The following CADPS2 variants were observed in gnomAD, a reference collection of about 807,000 sequenced individuals.
CADPS2 encodes calcium-dependent secretion activator 2.
In CADPS2, 93 loss-of-function variants were observed where a neutral mutation model predicts 172.5. The ratio of observed to expected loss-of-function variants is 0.54; its 90% confidence interval spans 0.46 to 0.64. The LOEUF (loss-of-function observed/expected upper bound fraction) is 0.64. CADPS2 is among the 30% of genes least tolerant of loss of function. CADPS2 has a pLI of 0.00. For missense variants in CADPS2, 1,420 were observed against 1,565.9 expected (o/e 0.91, Z 1.57); for synonymous variants, 546 against 555.2 (o/e 0.98, Z 0.23).
At chr7:122,871,593 C>T (rs142258532) in intron 1 of CADPS2, among the ~76,000 whole-genome samples, 15 of 152,094 alleles carry the variant, frequency 9.9e-5, no homozygotes, top group African/African-American at 3.4e-4. Context: ...ATTCAGCATA[C>T]AAAATACGGT....
At chr7:122,360,725 T>A in intron 27 of CADPS2, 63 bp downstream of exon 27, 1 of 1,444,724 alleles carries the variant, frequency 6.9e-7, no homozygotes. Context: ...AAACCCATGA[T>A]GAACTGCAAT....
intron 1 of CADPS2, among the ~76,000 whole-genome samples, chr7:122,743,812 C>G (rs535274411): frequency 6.6e-6 from 1 of 152,244 alleles, no homozygotes; most frequent in South Asian, 2.1e-4. Context: ...ACAGCTACAT[C>G]AAACCACTGA....
At chr7:122,816,414 T>C (rs1801426262) in intron 1 of CADPS2, among the ~76,000 whole-genome samples, 1 of 152,224 alleles carries the variant, frequency 6.6e-6, no homozygotes, top group Admixed American at 6.5e-5. Flanking sequence ...TGGGTACATG[T>C]GCACATTTTC....
At chr7:122,607,231 C>G (rs892095664) in intron 6 of CADPS2, among the ~76,000 whole-genome samples, 1 of 152,102 alleles carries the variant, frequency 6.6e-6, no homozygotes, top group Non-Finnish European at 1.5e-5. Context: ...ATGTGTAAGT[C>G]TTGGTTTAAA....
At chr7:122,592,431 A>G (rs536168432) in intron 6 of CADPS2, among the ~76,000 whole-genome samples, 50 of 152,026 alleles carry the variant, frequency 3.3e-4, no homozygotes, top group African/African-American at 8.7e-4. Flanking sequence ...ACAGTGTGGC[A>G]ATTCCTCAGG....
intron 6 of CADPS2, among the ~76,000 whole-genome samples, chr7:122,586,394 T>C (rs1346610530): frequency 1.3e-5 from 2 of 151,974 alleles, no homozygotes; most frequent in Non-Finnish European, 2.9e-5. Context: ...TAGATATAAC[T>C]TGTGCCCACT....
intron 11 of CADPS2, among the ~76,000 whole-genome samples, chr7:122,485,029 T>C (rs2057665867): frequency 6.6e-6 from 1 of 152,178 alleles, no homozygotes; most frequent in African/African-American, 2.4e-5. Flanking sequence ...TGTTTTGGGG[T>C]GCCACAAACT....
At chr7:122,774,161 CTA>C (rs1310111533) in intron 1 of CADPS2, among the ~76,000 whole-genome samples, 6 of 151,768 alleles carry the variant, frequency 4.0e-5, no homozygotes, top group African/African-American at 1.5e-4. Flanking sequence ...ATATTAATCT[CTA>C]AAAGTCTAAA....
At chr7:122,502,082 C>T (rs2059252424) in intron 9 of CADPS2, among the ~76,000 whole-genome samples, 1 of 151,988 alleles carries the variant, frequency 6.6e-6, no homozygotes, top group African/African-American at 2.4e-5. Context: ...GCACTGAGTC[C>T]ATGATCAAAA....
intron 3 of CADPS2, among the ~76,000 whole-genome samples, chr7:122,646,296 T>C (rs769851668): frequency 6.6e-6 from 1 of 152,106 alleles, no homozygotes; most frequent in Non-Finnish European, 1.5e-5. Flanking sequence ...AGTACAAGCA[T>C]TAATATTTAT....
intron 3 of CADPS2, among the ~76,000 whole-genome samples, chr7:122,647,656 G>T (rs991831455): frequency 6.6e-6 from 1 of 152,128 alleles, no homozygotes. Context: ...GAACCAAGAA[G>T]ATATTAATCA....
At chr7:122,386,830 A>G (rs932116137) in intron 24 of CADPS2, among the ~76,000 whole-genome samples, 196 bp downstream of exon 24, 3 of 152,118 alleles carry the variant, frequency 2.0e-5, no homozygotes, top group Admixed American at 2.0e-4. Context: ...GCAATTTTAG[A>G]CCATATTTAT....
chr7:122,351,223 A>G (rs1166922062), intron 27 of CADPS2, among the ~76,000 whole-genome samples: 1 of 151,010 alleles, frequency 6.6e-6, no homozygotes, highest in Non-Finnish European at 1.5e-5. Flanking sequence ...AATACAAAAA[A>G]TTAGCTGGGC....
At chr7:122,790,982 A>G (rs1795178042) in intron 1 of CADPS2, among the ~76,000 whole-genome samples, 1 of 152,178 alleles carries the variant, frequency 6.6e-6, no homozygotes, top group Non-Finnish European at 1.5e-5. Context: ...GGGACAAATC[A>G]TTTTTATCTC....
In CADPS2 at chr7:122,676,488, C is replaced by T. The variant is rs564806578; in HGVS notation, c.454-12919G>A. ...AAATGAGGACATTTTATATACCAGGCTGTATCTCGACTGCTCACTACATTG... is the reference window on the plus strand; with the variant it reads ...AAATGAGGACATTTTATATACCAGGTTGTATCTCGACTGCTCACTACATTG... On this transcript the variant is annotated intron_variant, in intron 2 of 29. Coordinates refer to ENST00000449022, the MANE Select transcript of CADPS2 (RefSeq NM_017954.11). 9 of 400,328 alleles carry T rather than the reference C, an allele frequency of 2.2e-5. No individual in the cohort carries two copies. In the Admixed American group the frequency reaches 3.5e-4, roughly 16 times the overall value. The allele number at this position is 400,328 out of a possible 1,614,324, so 24.8% of individuals were successfully genotyped here. A position where few individuals can be genotyped will look rare whatever the true frequency, so the allele number is the denominator to read the frequency against.
At chr7:122,523,128 G>C (rs1394443825) in intron 8 of CADPS2, among the ~76,000 whole-genome samples, 1 of 151,984 alleles carries the variant, frequency 6.6e-6, no homozygotes, top group African/African-American at 2.4e-5. Context: ...TCTATTTTTA[G>C]TTTTCTGAGA....
intron 6 of CADPS2, among the ~76,000 whole-genome samples, chr7:122,588,962 T>C (rs1378541682): frequency 6.6e-6 from 1 of 151,994 alleles, no homozygotes; most frequent in African/African-American, 2.4e-5. Context: ...TTTAACCGCA[T>C]GCCTTCTTGA....
chr7:122,601,613 T>C (rs1290921712), intron 6 of CADPS2, among the ~76,000 whole-genome samples: 2 of 152,032 alleles, frequency 1.3e-5, no homozygotes, highest in Non-Finnish European at 2.9e-5. Context: ...TTTCTTTAAA[T>C]AATGTTACAT....
At chr7:122,423,872 C>T (rs572991984) in intron 17 of CADPS2, among the ~76,000 whole-genome samples, 8 of 152,028 alleles carry the variant, frequency 5.3e-5, no homozygotes, top group Non-Finnish European at 1.2e-4. Context: ...GAATGCACTT[C>T]GAGAACTACC....
Sources: allele counts gnomAD v4.1 joint callset (sites outside exome capture counted in the v4.1 genomes callset), GRCh38; gene constraint gnomAD v4.1.1; transcripts MANE v1.5; gene names NCBI Gene and HGNC (gene_info 2026-07-23, HGNC 2026-07-21).